Variants in ADAM22 observed in about 807,000 individuals in gnomAD.
The protein encoded by ADAM22 is disintegrin and metalloproteinase domain-containing protein 22.
Under a neutral mutation model 144.6 loss-of-function variants are expected in ADAM22, and 65 were observed. That is an observed-to-expected ratio of 0.45 (90% CI 0.37 to 0.55). The LOEUF is 0.55. Among genes scored for constraint, ADAM22 ranks in the 20% least tolerant of loss-of-function variants. The pLI, the probability that ADAM22 is intolerant of heterozygous loss-of-function variation, is 0.00. For missense variants in ADAM22, 974 were observed against 1,184.9 expected (o/e 0.82, Z 2.61); for synonymous variants, 391 against 412.6 (o/e 0.95, Z 0.63).
chr7:88,154,648 A>G (rs562027163), intron 21 of ADAM22, among the ~76,000 whole-genome samples: 50 of 152,254 alleles, frequency 3.3e-4, no homozygotes, highest in South Asian at 1.9e-3. Flanking sequence ...AATAAAGATC[A>G]TATCTAATTG....
chr7:88,137,105 G>C lies in ADAM22; in HGVS notation c.1220+1074G>C, dbSNP rs545137376. On this transcript the variant is annotated intron_variant, in intron 14 of 31. Transcript: ENST00000413139. ...TCATTCTTTATACTTTTACTGTATA[G>C]TATGTATGTGTGTTGGAGTAAAACA... Among the ~76,000 whole-genome samples, 5 of 152,240 alleles carry C rather than the reference G, an allele frequency of 3.3e-5. No individual in the cohort carries two copies. In the South Asian group the frequency reaches 1.0e-3, roughly 32 times the overall value.
chr7:87,953,175 T>C lies in ADAM22; in HGVS notation c.246+17989T>C, dbSNP rs187528043. 2.8e-3 allele frequency among the ~76,000 whole-genome samples: 430 copies of C among 152,308 alleles called. 2 individuals are homozygous for C. Among genetic ancestry groups the C allele is most frequent in the East Asian group, 8.9e-3 (46 of 5,184 alleles). ...GCTCTGATTTTAGTTATTTCTTGCC[T>C]TCTGCTAGCTTTTGAATGTGTTTGT... On this transcript the variant is annotated intron_variant, in intron 2 of 31. Coordinates refer to ENST00000413139, the MANE Select transcript of ADAM22 (RefSeq NM_001324418.2).
At chr7:88,086,916 CTA>C (rs983850513) in intron 4 of ADAM22, among the ~76,000 whole-genome samples, 3 of 152,118 alleles carry the variant, frequency 2.0e-5, no homozygotes, top group Admixed American at 6.5e-5. Context: ...ACAGTAATAA[CTA>C]TTTATTACAG....
chr7:88,097,426 G>A (rs531061204), intron 4 of ADAM22, among the ~76,000 whole-genome samples: 2 of 151,892 alleles, frequency 1.3e-5, no homozygotes, highest in East Asian at 3.9e-4. Flanking sequence ...AGGATTACAG[G>A]CATGAGCCTC....
rs769945381 is a variant in ADAM22, at chr7:88,198,402, G to C, written c.*1911G>C. ...CATGACAGGAAGGGATGTGATTGTTGATATGACCATAAAGCGATCCATCAG... is the reference window on the plus strand; with the variant it reads ...CATGACAGGAAGGGATGTGATTGTTCATATGACCATAAAGCGATCCATCAG... On this transcript the variant is annotated 3_prime_UTR_variant, in exon 32 of 32. Transcript: ENST00000413139. 1.3e-5 allele frequency: 2 copies of C among 152,160 alleles called. No individual in the cohort carries two copies. The highest frequency in any genetic ancestry group is 4.8e-5 in the African/African-American group (2 of 41,422). The allele number at this position is 152,160 out of a possible 1,614,324, so 9.4% of individuals were successfully genotyped here.
intron 2 of ADAM22, among the ~76,000 whole-genome samples, chr7:87,945,963 G>A (rs1843593725): frequency 6.6e-6 from 1 of 151,820 alleles, no homozygotes; most frequent in African/African-American, 2.4e-5. Context: ...TTTCCAAATT[G>A]CTTTCCACAG....
intron 3 of ADAM22, among the ~76,000 whole-genome samples, chr7:88,055,371 A>G (rs1036043288): frequency 1.2e-4 from 18 of 152,094 alleles, no homozygotes; most frequent in African/African-American, 3.9e-4. Context: ...ATCTCAAAAA[A>G]AAAAATCGCT....
At chr7:88,054,772 G>A (rs1276019126) in intron 3 of ADAM22, among the ~76,000 whole-genome samples, 1 of 152,138 alleles carries the variant, frequency 6.6e-6, no homozygotes, top group Non-Finnish European at 1.5e-5. Context: ...ATGTCAACAT[G>A]TAGTAGAGGC....
intron 2 of ADAM22, among the ~76,000 whole-genome samples, chr7:87,938,919 G>GATT (rs1841922021): frequency 6.6e-6 from 1 of 152,154 alleles, no homozygotes; most frequent in Admixed American, 6.5e-5. Context: ...AAAGTGCTGG[G>GATT]ATTACAGGCG....
chr7:88,142,386 T>C (rs1834955153), intron 14 of ADAM22, among the ~76,000 whole-genome samples: 1 of 152,212 alleles, frequency 6.6e-6, no homozygotes. Context: ...AGTTATTTTG[T>C]GGAATGCTCT....
intron 26 of ADAM22, among the ~76,000 whole-genome samples, chr7:88,176,652 T>A (rs984956648): frequency 6.6e-6 from 1 of 152,202 alleles, no homozygotes; most frequent in African/African-American, 2.4e-5. Context: ...TTACTTAATG[T>A]TTAAATTTAA....
intron 4 of ADAM22, among the ~76,000 whole-genome samples, chr7:88,107,897 G>C (rs1482637690): frequency 6.6e-6 from 1 of 151,994 alleles, no homozygotes; most frequent in African/African-American, 2.4e-5. Context: ...GACTCCCCAT[G>C]TGTATTTCAA....
rs1031586552 is a variant in ADAM22 at position 87,952,625 on chromosome 7, T to C, written c.246+17439T>C. ...TCTCTTTTTTGGTTGTGTCTCTGCC[T>C]GGCTTTGGTATCAGGATGATGCTGG... On this transcript the variant is annotated intron_variant, in intron 2 of 31. Transcript: ENST00000413139. Among the ~76,000 whole-genome samples the C allele has an allele frequency of 6.9e-4, 105 of 151,938 alleles. No individual in the cohort carries two copies. In the Middle Eastern group the frequency reaches 0.014, roughly 20 times the overall value.
intron 3 of ADAM22, among the ~76,000 whole-genome samples, chr7:88,061,959 A>G (rs1273541320): frequency 6.7e-6 from 1 of 150,172 alleles, no homozygotes; most frequent in African/African-American, 2.5e-5. Context: ...CAACCTGCCT[A>G]GCCTCCCAAA....
intron 3 of ADAM22, among the ~76,000 whole-genome samples, chr7:87,990,258 G>C (rs528919310): frequency 3.9e-4 from 59 of 152,320 alleles, no homozygotes; most frequent in African/African-American, 1.3e-3. Context: ...GGCACTGGGA[G>C]TGCAATGGAG....
At chr7:88,046,090 G>A (rs1804624997) in intron 3 of ADAM22, among the ~76,000 whole-genome samples, 1 of 152,172 alleles carries the variant, frequency 6.6e-6, no homozygotes, top group African/African-American at 2.4e-5. Context: ...CCAGAAGGGG[G>A]AGTGCTGGAT....
intron 3 of ADAM22, among the ~76,000 whole-genome samples, chr7:88,072,946 C>T (rs185485493): frequency 2.6e-5 from 4 of 152,254 alleles, no homozygotes; most frequent in East Asian, 1.9e-4. Flanking sequence ...TATAATTTTA[C>T]GTTTTTGTTA....
At chr7:88,118,073 G>A (rs576156443) in intron 7 of ADAM22, among the ~76,000 whole-genome samples, 1 of 152,264 alleles carries the variant, frequency 6.6e-6, no homozygotes, top group Admixed American at 6.5e-5. Flanking sequence ...TGTAGATGAA[G>A]AAACAGAGCT....
At chr7:88,130,524 G>C in intron 10 of ADAM22, 65 bp downstream of exon 10, 1 of 1,463,620 alleles carries the variant, frequency 6.8e-7, no homozygotes, top group African/African-American at 1.4e-5. Flanking sequence ...TAATAGAATG[G>C]ATAATATGAT....
Sources: allele counts gnomAD v4.1 joint callset (sites outside exome capture counted in the v4.1 genomes callset), GRCh38; gene constraint gnomAD v4.1.1; transcripts MANE v1.5; gene names NCBI Gene and HGNC (gene_info 2026-07-23, HGNC 2026-07-21).